The following ATP1B1 variants were observed in gnomAD, a reference collection of about 807,000 sequenced individuals.
The protein encoded by ATP1B1 is sodium/potassium-transporting ATPase subunit beta-1.
Under a neutral mutation model 39.6 loss-of-function variants are expected in ATP1B1, and 3 were observed. The observed-to-expected ratio is 0.08, with a 90% CI of 0.03 to 0.20. The LOEUF (loss-of-function observed/expected upper bound fraction) is 0.20, where lower values mean the gene tolerates loss of function less well. Ranked by LOEUF, ATP1B1 falls within the 10% of genes least tolerant of loss-of-function variation. The pLI, the probability that ATP1B1 is intolerant of heterozygous loss-of-function variation, is 1.00. For synonymous variants in ATP1B1, 139 were observed against 135.0 expected, an observed-to-expected ratio of 1.03 and a Z score of -0.20; for missense variants, 216 against 371.1, an observed-to-expected ratio of 0.58 and a Z score of 3.43.
chr1:169,131,806 T>C lies in ATP1B1; in HGVS notation c.*251T>C, dbSNP rs766335015. ...AGCCTTGGGACGTGCCCATTTTTAC[T>C]GTAAATTATGATTCCGTAACTGACT... is the stretch of plus-strand genomic sequence containing the variant. On this transcript the variant is annotated 3_prime_UTR_variant, in exon 6 of 6. Coordinates refer to ENST00000367815, the MANE Select transcript of ATP1B1 (RefSeq NM_001677.4). The surrounding 1 kb of genome is among the most constrained non-coding windows in gnomAD (Gnocchi z 4.4). 4.1e-4 allele frequency: 199 copies of C among 487,722 alleles called. No individual in the cohort carries two copies. The highest frequency in any genetic ancestry group is 6.4e-4 in the Non-Finnish European group (180 of 279,780). 30.2% of individuals were successfully genotyped at this position (487,722 alleles called of 1,614,324 possible). A position where few individuals can be genotyped will look rare whatever the true frequency, so the allele number is the denominator to read the frequency against.
At chr1:169,114,043 T>C (rs1319363463) in intron 2 of ATP1B1, among the ~76,000 whole-genome samples, 1 of 151,788 alleles carries the variant, frequency 6.6e-6, no homozygotes, top group African/African-American at 2.4e-5. Flanking sequence ...GCCAGCAGAG[T>C]GCCGAACCTT....
intron 2 of ATP1B1, among the ~76,000 whole-genome samples, chr1:169,116,465 A>G (rs1487185593): frequency 6.6e-6 from 1 of 152,194 alleles, no homozygotes. Flanking sequence ...ATCGGGCAGG[A>G]GAAGTGGGGT....
intron 2 of ATP1B1, among the ~76,000 whole-genome samples, chr1:169,121,700 A>T (rs576895673): frequency 6.6e-6 from 1 of 152,308 alleles, no homozygotes; most frequent in South Asian, 2.1e-4. Flanking sequence ...GATGTTTGTG[A>T]CACTTGCTTC....
In ATP1B1 at chr1:169,110,567, C is replaced by CTTTTTTTTTT. The variant is rs11423213; in HGVS notation, c.98-793_98-784dup. On this transcript the variant is annotated intron_variant, in intron 1 of 5. Coordinates refer to ENST00000367815, the MANE Select transcript of ATP1B1 (RefSeq NM_001677.4). Reference sequence around the variant, plus strand: ...CCTCATTCCCATCTATGTGTTGAGTCTTTTTTTTTTTTTTTTTTTGCTTTT... The same window carrying CTTTTTTTTTT: ...CCTCATTCCCATCTATGTGTTGAGTCTTTTTTTTTTTTTTTTTTTTTTTTTTTTTGCTTTT... The CTTTTTTTTTT allele has an allele frequency of 6.0e-4, 259 of 434,658 alleles. 2 individuals carry two copies. Among genetic ancestry groups the CTTTTTTTTTT allele is most frequent in the East Asian group, 2.8e-3 (23 of 8,322 alleles). 26.9% of individuals were successfully genotyped at this position (434,658 alleles called of 1,614,324 possible). A position where few individuals can be genotyped will look rare whatever the true frequency, so the allele number is the denominator to read the frequency against.
At chr1:169,120,185 A>G (rs1657944467) in intron 2 of ATP1B1, among the ~76,000 whole-genome samples, 1 of 152,170 alleles carries the variant, frequency 6.6e-6, no homozygotes. Flanking sequence ...GTGAGGAAAG[A>G]GAGCAGAAGA....
chr1:169,111,589 A>G (rs1301700484), intron 2 of ATP1B1, 91 bp downstream of exon 2: 5 of 1,516,994 alleles, frequency 3.3e-6, no homozygotes, highest in Admixed American at 2.0e-5. Context: ...AAATTACTCT[A>G]TAATGTAGTC....
In ATP1B1 at chr1:169,132,029, TTTTTTTTTTTTTG is replaced by T; in HGVS notation, c.*481_*493del. ...AAAACTGGCATGGTAATTTTTTTTT[TTTTTTTTTTTTTG>T]TTTTTTGGCTCTTTCAAAGGTAATG... On this transcript the variant is annotated 3_prime_UTR_variant, in exon 6 of 6. Coordinates refer to ENST00000367815, the MANE Select transcript of ATP1B1 (RefSeq NM_001677.4). 4.0e-6 allele frequency: 1 copy of T among 252,450 alleles called. No homozygotes were observed. The highest frequency in any genetic ancestry group is 4.1e-5 in the South Asian group (1 of 24,536). 15.6% of individuals were successfully genotyped at this position (252,450 alleles called of 1,614,324 possible). A position where few individuals can be genotyped will look rare whatever the true frequency, so the allele number is the denominator to read the frequency against.
intron 3 of ATP1B1, among the ~76,000 whole-genome samples, chr1:169,125,966 C>A (rs961348749): frequency 6.6e-6 from 1 of 152,138 alleles, no homozygotes; most frequent in African/African-American, 2.4e-5. Flanking sequence ...CAGTGTGAGA[C>A]CCTGTCTCAA....
rs1216972830 is a variant in ATP1B1 at position 169,111,418 on chromosome 1, T to C, written c.146T>C (p.Ile49Thr). The part of the protein sequence containing the change: ...YVIFYGCLAG[I>T]FIGTIQVMLL... ...ATATTTTATGGCTGCCTGGCTGGCATCTTCATCGGAACCATCCAAGTGATG... is the reference window on the plus strand; with the variant it reads ...ATATTTTATGGCTGCCTGGCTGGCACCTTCATCGGAACCATCCAAGTGATG... Residue 49 changes from isoleucine to threonine, a missense_variant, in exon 2 of 6, where the codon ATC becomes ACC. Ile to Thr is a moderately conservative substitution (Grantham distance 89). Coordinates refer to ENST00000367815, the MANE Select transcript of ATP1B1 (RefSeq NM_001677.4). The C allele has an allele frequency of 6.2e-7, 1 of 1,614,238 alleles. No individual in the cohort carries two copies. Among genetic ancestry groups the C allele is most frequent in the Admixed American group, 1.7e-5 (1 of 60,030 alleles).
At chr1:169,120,223 CTG>C (rs1354196975) in intron 2 of ATP1B1, among the ~76,000 whole-genome samples, 1 of 152,184 alleles carries the variant, frequency 6.6e-6, no homozygotes, top group Admixed American at 6.5e-5. Flanking sequence ...GGCCACTTGA[CTG>C]TGGCGTGGCC....
chr1:169,122,746 A>ATTT (rs753882699), intron 2 of ATP1B1, among the ~76,000 whole-genome samples: 18 of 82,370 alleles, frequency 2.2e-4, no homozygotes, highest in Non-Finnish European at 3.5e-4. Context: ...TTTCAGGATG[A>ATTT]TTTTTTTTTT....
At chr1:169,122,745 GA>G (rs1182699090) in intron 2 of ATP1B1, among the ~76,000 whole-genome samples, 1 of 70,692 alleles carries the variant, frequency 1.4e-5, no homozygotes, top group Non-Finnish European at 3.3e-5. Context: ...TTTTCAGGAT[GA>G]TTTTTTTTTT....
At position 169,106,868 on chromosome 1, in the gene ATP1B1, G is replaced by C. The variant is rs535529400; in HGVS notation, c.39G>C (p.Lys13Asn). Residue 13 changes from lysine to asparagine, a missense_variant, in exon 1 of 6, where the codon AAG becomes AAC. Physicochemically the swap from Lys to Asn is moderately conservative, Grantham distance 94. Coordinates refer to ENST00000367815, the MANE Select transcript of ATP1B1 (RefSeq NM_001677.4). Reference protein sequence around the residue: ...RGKAKEEGSWKKFIWNSEKKE... With the variant: ...RGKAKEEGSWNKFIWNSEKKE... ...AAGCCAAGGAGGAGGGCAGCTGGAA[G>C]AAATTCATCTGGAACTCAGAGAAGA... 6.3e-7 allele frequency: 1 copy of C among 1,587,340 alleles called. No homozygotes were observed. The highest frequency in any genetic ancestry group is 8.6e-7 in the Non-Finnish European group (1 of 1,169,172).
intron 2 of ATP1B1, among the ~76,000 whole-genome samples, chr1:169,114,362 G>A (rs1218658026): frequency 2.0e-5 from 3 of 152,246 alleles, no homozygotes; most frequent in African/African-American, 7.2e-5. Context: ...ACACCTAGTG[G>A]GTGTGAAAGT....
At position 169,113,168 on chromosome 1, in the gene ATP1B1, C is replaced by T. The variant is rs561234219; in HGVS notation, c.226+1670C>T. Reference sequence around the variant, plus strand: ...GCAGTCTCCGCCTCTCAGGTTCAAGCGATTCTCCTGTCTCAGCCTCCCAAA... The same window carrying T: ...GCAGTCTCCGCCTCTCAGGTTCAAGTGATTCTCCTGTCTCAGCCTCCCAAA... On this transcript the variant is annotated intron_variant, in intron 2 of 5. Coordinates refer to ENST00000367815, the MANE Select transcript of ATP1B1 (RefSeq NM_001677.4). 1.2e-4 allele frequency among the ~76,000 whole-genome samples: 19 copies of T among 152,002 alleles called. 1 individual carries two copies. The South Asian group carries it at 2.7e-3, about 22-fold the overall frequency.
In ATP1B1 at chr1:169,127,922, T is replaced by C. The variant is rs185708653; in HGVS notation, c.567+514T>C. Among the ~76,000 whole-genome samples, 11 of 152,314 alleles carry C rather than the reference T, an allele frequency of 7.2e-5. No individual in the cohort carries two copies. The East Asian group carries it at 2.1e-3, about 29-fold the overall frequency. Reference sequence around the variant, plus strand: ...GAAAAAATATTTTTTCTGAATTTTATTGCGGAAGTAGAAGTTTAACATCAT... The same window carrying C: ...GAAAAAATATTTTTTCTGAATTTTACTGCGGAAGTAGAAGTTTAACATCAT... On this transcript the variant is annotated intron_variant, in intron 4 of 5. Coordinates refer to ENST00000367815, the MANE Select transcript of ATP1B1 (RefSeq NM_001677.4).
rs9765 is a variant in ATP1B1 at position 169,132,288 on chromosome 1, C to T, written c.*733C>T. ...CTCTTGCCTTGTCCTCCGGTATGTTCTAAAGCTGTGTCTGAGATCTGGATC... is the reference window on the plus strand; with the variant it reads ...CTCTTGCCTTGTCCTCCGGTATGTTTTAAAGCTGTGTCTGAGATCTGGATC... On this transcript the variant is annotated 3_prime_UTR_variant, in exon 6 of 6. Coordinates refer to ENST00000367815, the MANE Select transcript of ATP1B1 (RefSeq NM_001677.4). The T allele has an allele frequency of 9.8e-3, 5,256 of 536,284 alleles. 44 individuals are homozygous for T. The highest frequency in any genetic ancestry group is 0.014 in the Non-Finnish European group (4,041 of 298,274). 33.2% of individuals were successfully genotyped at this position (536,284 alleles called of 1,614,324 possible).
intron 4 of ATP1B1, among the ~76,000 whole-genome samples, chr1:169,128,267 C>T (rs1311865248): frequency 6.6e-6 from 1 of 152,182 alleles, no homozygotes; most frequent in Non-Finnish European, 1.5e-5. Flanking sequence ...TAGAAATTGA[C>T]TGCAGTATAT....
intron 1 of ATP1B1, among the ~76,000 whole-genome samples, chr1:169,108,697 TGAGA>T (rs1291803809): frequency 1.3e-5 from 2 of 152,150 alleles, no homozygotes; most frequent in Non-Finnish European, 2.9e-5. Flanking sequence ...AGCACCTCCA[TGAGA>T]GAGAGAAAGA....
Sources: gnomAD v4.1 joint callset for allele counts (sites outside exome capture counted in the v4.1 genomes callset) on GRCh38, gnomAD v4.1.1 for gene constraint, Gnocchi (gnomAD v3.1) non-coding constraint, MANE v1.5 for transcripts, NCBI Gene and HGNC (gene_info 2026-07-23, HGNC 2026-07-21) for gene names.